Variants in ATP6V1F observed in about 807,000 individuals in gnomAD.
ATP6V1F encodes the protein V-type proton ATPase subunit F.
Under a neutral mutation model 6.6 loss-of-function variants are expected in ATP6V1F, and 4 were observed. The observed-to-expected ratio is 0.60, with a 90% confidence interval of 0.30 to 1.38. The LOEUF (loss-of-function observed/expected upper bound fraction) is 1.38, where lower values mean the gene tolerates loss of function less well. ATP6V1F is among the 40% of genes most tolerant of loss of function. The pLI, the probability that ATP6V1F is intolerant of heterozygous loss-of-function variation, is 0.08. For synonymous variants in ATP6V1F, 68 were observed against 66.9 expected (o/e 1.02, Z -0.08); for missense variants, 136 against 165.5 (o/e 0.82, Z 0.98).
intron 1 of ATP6V1F, chr7:128,864,790 T>G (rs28670895): frequency 0.1 from 19,823 of 196,744 alleles, 2,456 homozygotes; most frequent in African/African-American, 0.32. Context: ...CATTTTTTTT[T>G]TGTGTGTATA....
Position 128,862,893 on chromosome 7 carries a change from C to T in ATP6V1F, c.-12C>T, listed in dbSNP as rs113816833. 9.2e-5 allele frequency: 145 copies of T among 1,583,794 alleles called. No homozygotes were observed. The African/African-American group carries it at 1.6e-3, about 18-fold the overall frequency. The stretch of plus-strand genomic sequence containing the variant: ...TCTGGTGCTCTAGGGTGAGCTCTGC[C>T]CGGCTGCAGGGATGGCGGGGAGGGG... On this transcript the variant is annotated 5_prime_UTR_variant, in exon 1 of 2. Transcript: ENST00000249289.
rs763537679 is a variant in ATP6V1F at position 128,862,943 on chromosome 7, C to A, written c.39C>A (p.Asp13Glu). 6.2e-7 allele frequency: 1 copy of A among 1,612,820 alleles called. No homozygotes were observed. Among genetic ancestry groups the A allele is most frequent in the East Asian group, 2.2e-5 (1 of 44,746 alleles). ...GRGKLIAVIG[D>E]EDTVTGFLLG... ...GTAAGCTCATCGCAGTGATCGGAGA[C>A]GAGGACACGGTGACTGGTTTCCTGC... Residue 13 changes from aspartate (D) to glutamate (E), a missense_variant, in exon 1 of 2, where the codon GAC becomes GAA. Transcript: ENST00000249289.
intron 1 of ATP6V1F, among the ~76,000 whole-genome samples, chr7:128,863,809 C>G (rs1228514407): frequency 2.0e-5 from 3 of 152,176 alleles, no homozygotes; most frequent in Non-Finnish European, 4.4e-5. Context: ...AACAGTCCAG[C>G]CCAGGGCTGC....
In ATP6V1F at chr7:128,865,576, T is replaced by A; in HGVS notation, c.358T>A (p.Ter120LysextTer43). 1 of 1,613,222 alleles carries A rather than the reference T, an allele frequency of 6.2e-7. No homozygotes were observed. The change falls in exon 2 of 2, where the codon TAG becomes AAG. Residue 120 changes from the stop codon to lysine (K), a stop_lost. Coordinates refer to ENST00000249289, the MANE Select transcript of ATP6V1F (RefSeq NM_004231.4). This position sits in a 1 kb window ranked among gnomAD's most constrained non-coding sequence, Gnocchi z 4.4. ...RGMFTAEDLR* is the reference protein window; with the variant it reads ...RGMFTAEDLRK ...CATGTTCACTGCCGAAGACCTGCGC[T>A]AGGGGACTCCTCATAGCCCTCAGCC...
rs1809364887 is a variant in ATP6V1F, at chr7:128,865,266, A to G, written c.159-111A>G. The G allele has an allele frequency of 1.3e-6, 2 of 1,564,964 alleles. No homozygotes were observed. Among genetic ancestry groups the G allele is most frequent in the South Asian group, 2.3e-5 (2 of 86,542 alleles). ...CCTTGTCCTCTGTGCCCTCTGGGTC[A>G]TGCTCATTCCCCTCCACAGCCCAGC... On this transcript the variant is annotated intron_variant, in intron 1 of 1. Transcript: ENST00000249289. This position sits in a 1 kb window ranked among gnomAD's most constrained non-coding sequence, Gnocchi z 4.4.
In ATP6V1F at chr7:128,865,306, A is replaced by G; in HGVS notation, c.159-71A>G. 3.8e-6 allele frequency: 6 copies of G among 1,596,698 alleles called. No individual in the cohort carries two copies. The highest frequency in any genetic ancestry group is 3.4e-6 in the Non-Finnish European group (4 of 1,167,126). On this transcript the variant is annotated intron_variant, in intron 1 of 1. Transcript: ENST00000249289. The surrounding 1 kb of genome is among the most constrained non-coding windows in gnomAD (Gnocchi z 4.4). ...CACAGCCCAGCCCAACAACTCGGAGAGGGCTGCCTGGGTAGGAGAGACGGC... is the reference window on the plus strand; with the variant it reads ...CACAGCCCAGCCCAACAACTCGGAGGGGGCTGCCTGGGTAGGAGAGACGGC...
rs779953794 is a variant in ATP6V1F at position 128,862,985 on chromosome 7, G to T, written c.81G>T (p.Glu27Asp). The change falls in exon 1 of 2, where the codon GAG becomes GAT. Residue 27 changes from glutamate to aspartate, a missense_variant. Physicochemically the swap from Glu to Asp is conservative, Grantham distance 45. Coordinates refer to ENST00000249289, the MANE Select transcript of ATP6V1F (RefSeq NM_004231.4). ...GTTTCCTGCTGGGCGGCATAGGGGA[G>T]CTTAACAAGAACCGCCATCCCAATT... is the stretch of plus-strand genomic sequence containing the variant. ...VTGFLLGGIG[E>D]LNKNRHPNFL... 1 of 1,613,618 alleles carries T rather than the reference G, an allele frequency of 6.2e-7. No homozygotes were observed.
At chr7:128,864,889 A>T (rs1007068943) in intron 1 of ATP6V1F, 14 of 516,048 alleles carry the variant, frequency 2.7e-5, no homozygotes, top group Non-Finnish European at 4.9e-5. Flanking sequence ...AGAGAGGGAG[A>T]TGGGGGTCTC....
chr7:128,865,138 G>T lies in ATP6V1F; in HGVS notation c.159-239G>T. On this transcript the variant is annotated intron_variant, in intron 1 of 1. Coordinates refer to ENST00000249289, the MANE Select transcript of ATP6V1F (RefSeq NM_004231.4). This position sits in a 1 kb window ranked among gnomAD's most constrained non-coding sequence, Gnocchi z 4.4. ...TTACCAGTTCACTTGGAAGCCTTCC[G>T]GGCAGTGTTGTAGAAGCCAACCCTA... The T allele has an allele frequency of 6.5e-7, 1 of 1,536,186 alleles. No homozygotes were observed. Among genetic ancestry groups the T allele is most frequent in the African/African-American group, 1.4e-5 (1 of 73,156 alleles).
At chr7:128,863,535 TCTC>T (rs1256488584) in intron 1 of ATP6V1F, among the ~76,000 whole-genome samples, 1 of 152,128 alleles carries the variant, frequency 6.6e-6, no homozygotes, top group Non-Finnish European at 1.5e-5. Flanking sequence ...TCTTGGCAGG[TCTC>T]CTCAGGCGGC....
In ATP6V1F at chr7:128,863,073, G is replaced by T; in HGVS notation, c.158+11G>T. On this transcript the variant is annotated intron_variant, in intron 1 of 1. Transcript: ENST00000249289. The stretch of plus-strand genomic sequence containing the variant: ...CGAAGACACTTTCCGGTACGGTACC[G>T]CGCGAGGCCTGAACGGGCCCTTCTG... 1 of 1,605,632 alleles carries T rather than the reference G, an allele frequency of 6.2e-7. No homozygotes were observed. Among genetic ancestry groups the T allele is most frequent in the African/African-American group, 1.3e-5 (1 of 74,468 alleles).
At position 128,865,339 on chromosome 7, in the gene ATP6V1F, A is replaced by C; in HGVS notation, c.159-38A>C. On this transcript the variant is annotated intron_variant, in intron 1 of 1. Coordinates refer to ENST00000249289, the MANE Select transcript of ATP6V1F (RefSeq NM_004231.4). This position sits in a 1 kb window ranked among gnomAD's most constrained non-coding sequence, Gnocchi z 4.4. ...CTGGGTAGGAGAGACGGCAGCCCCC[A>C]GAGCTGTCCTGGACTCCCTTCTCAT... is the stretch of plus-strand genomic sequence containing the variant. The C allele has an allele frequency of 1.2e-6, 2 of 1,610,422 alleles. No individual in the cohort carries two copies. The highest frequency in any genetic ancestry group is 1.1e-5 in the South Asian group (1 of 90,890).
chr7:128,863,087 CG>C (rs748612496), intron 1 of ATP6V1F, 25 bp downstream of exon 1: 2 of 1,597,258 alleles, frequency 1.3e-6, no homozygotes, highest in South Asian at 2.3e-5. Flanking sequence ...GAGGCCTGAA[CG>C]GGCCCTTCTG....
Position 128,865,398 on chromosome 7 carries a change from C to T in ATP6V1F, c.180C>T (p.Asp60=). ...ACAGGCAATTTCTAAACCGGGATGA[C>T]ATTGGCATCATCCTCATCAACCAGT... The part of the protein sequence containing the change: ...DTFRQFLNRD[D]IGIILINQYI... The change falls in exon 2 of 2, where the codon GAC becomes GAT. Residue 60 remains aspartate (D), a synonymous_variant. Coordinates refer to ENST00000249289, the MANE Select transcript of ATP6V1F (RefSeq NM_004231.4). The surrounding 1 kb of genome is among the most constrained non-coding windows in gnomAD (Gnocchi z 4.4). 1 of 1,614,158 alleles carries T rather than the reference C, an allele frequency of 6.2e-7. No homozygotes were observed. The highest frequency in any genetic ancestry group is 8.5e-7 in the Non-Finnish European group (1 of 1,180,038).
chr7:128,863,930 G>C (rs748337148), intron 1 of ATP6V1F, among the ~76,000 whole-genome samples: 1 of 152,346 alleles, frequency 6.6e-6, no homozygotes, highest in Middle Eastern at 3.4e-3. Context: ...TATCATGGGA[G>C]AAGGACAAAT....
chr7:128,864,598 CTTTTTT>C, intron 1 of ATP6V1F, among the ~76,000 whole-genome samples: 1 of 135,852 alleles, frequency 7.4e-6, no homozygotes, highest in South Asian at 2.3e-4. Flanking sequence ...GTTAATGTGT[CTTTTTT>C]TTTTTTTTTT....
chr7:128,865,368 TCCC>T lies in ATP6V1F; in HGVS notation c.159-7_159-5del. On this transcript the variant is annotated splice_region_variant and splice_polypyrimidine_tract_variant and intron_variant, in intron 1 of 1. Coordinates refer to ENST00000249289, the MANE Select transcript of ATP6V1F (RefSeq NM_004231.4). The surrounding 1 kb of genome is among the most constrained non-coding windows in gnomAD (Gnocchi z 4.4). Reference sequence around the variant, plus strand: ...CTGTCCTGGACTCCCTTCTCATCTCTCCCCACAGGCAATTTCTAAACCGGGATG... The same window carrying T: ...CTGTCCTGGACTCCCTTCTCATCTCTCACAGGCAATTTCTAAACCGGGATG... 1 of 1,613,904 alleles carries T rather than the reference TCCC, an allele frequency of 6.2e-7. No homozygotes were observed. Among genetic ancestry groups the T allele is most frequent in the Non-Finnish European group, 8.5e-7 (1 of 1,179,974 alleles).
Position 128,863,031 on chromosome 7 carries a change from A to ACAAC in ATP6V1F, c.130_133dup (p.Ile45AsnfsTer4). ...CAATTTCCTGGTGGTGGAGAAGGAT[A>ACAAC]CAACCATCAATGAGATCGAAGACAC... On this transcript the variant is annotated frameshift_variant, in exon 1 of 2. Coordinates refer to ENST00000249289, the MANE Select transcript of ATP6V1F (RefSeq NM_004231.4). LOFTEE classifies it high-confidence loss of function. The ACAAC allele has an allele frequency of 1.2e-6, 2 of 1,613,202 alleles. No individual in the cohort carries two copies. Among genetic ancestry groups the ACAAC allele is most frequent in the Non-Finnish European group, 1.7e-6 (2 of 1,179,584 alleles).
At chr7:128,863,771 G>C (rs1179959100) in intron 1 of ATP6V1F, among the ~76,000 whole-genome samples, 1 of 152,162 alleles carries the variant, frequency 6.6e-6, no homozygotes, top group Non-Finnish European at 1.5e-5. Context: ...CCAAGTCTCA[G>C]GAATAAACCA....
Sources: gnomAD v4.1 joint callset for allele counts (sites outside exome capture counted in the v4.1 genomes callset) on GRCh38, gnomAD v4.1.1 for gene constraint, Gnocchi (gnomAD v3.1) non-coding constraint, MANE v1.5 for transcripts, NCBI Gene and HGNC (gene_info 2026-07-23, HGNC 2026-07-21) for gene names.